Variants in GATB observed in about 807,000 individuals in gnomAD.
The protein encoded by GATB is glutamyl-tRNA(Gln) amidotransferase subunit B, mitochondrial.
GATB carries 39 observed loss-of-function variants against 62.3 expected under a neutral mutation model. That is an observed-to-expected ratio of 0.63 (90% confidence interval 0.48 to 0.82). The LOEUF (loss-of-function observed/expected upper bound fraction) is 0.82. Among genes scored for constraint, GATB ranks in the 40% least tolerant of loss-of-function variants. The pLI is 0.00. For missense variants in GATB, 670 were observed against 684.0 expected, an observed-to-expected ratio of 0.98 and a Z score of 0.23; for synonymous variants, 276 against 258.9, an observed-to-expected ratio of 1.07 and a Z score of -0.63.
At chr4:151,734,371 A>G (rs997861145) in intron 2 of GATB, among the ~76,000 whole-genome samples, 15 of 151,834 alleles carry the variant, frequency 9.9e-5, no homozygotes, top group African/African-American at 3.6e-4. Flanking sequence ...AAAAATACTT[A>G]GGAATACACC....
rs571717924 is a variant in GATB, at chr4:151,707,680, T to A, written c.877+308A>T. On this transcript the variant is annotated intron_variant, in intron 6 of 12. Transcript: ENST00000263985. ...CACTTCTGCCTTCATCCTCCCGAAA[T>A]GCTCCCACTGCCTCATAAGAAAGCC... Among the ~76,000 whole-genome samples, 105 of 152,252 alleles carry A rather than the reference T, an allele frequency of 6.9e-4. 1 individual carries two copies. The highest frequency in any genetic ancestry group is 1.1e-3 in the Non-Finnish European group (76 of 67,990).
chr4:151,741,309 T>C (rs936538335), intron 2 of GATB, among the ~76,000 whole-genome samples: 2 of 152,230 alleles, frequency 1.3e-5, no homozygotes, highest in African/African-American at 4.8e-5. Flanking sequence ...AAAGGGAAAC[T>C]ACAGATAAGG....
chr4:151,682,819 G>T (rs1472712160), intron 10 of GATB, among the ~76,000 whole-genome samples: 2 of 152,144 alleles, frequency 1.3e-5, no homozygotes, highest in Admixed American at 1.3e-4. Flanking sequence ...GCCTCCAGGT[G>T]GTACCTGCTG....
chr4:151,683,574 C>T (rs1289016154), intron 10 of GATB, among the ~76,000 whole-genome samples: 1 of 152,208 alleles, frequency 6.6e-6, no homozygotes, highest in Non-Finnish European at 1.5e-5. Context: ...TGGTTGATGT[C>T]AACCACCTCC....
intron 2 of GATB, among the ~76,000 whole-genome samples, chr4:151,754,486 G>A (rs1479027796): frequency 6.6e-6 from 1 of 151,978 alleles, no homozygotes; most frequent in African/African-American, 2.4e-5. Context: ...CATATCTATC[G>A]TCTACCAAGT....
At chr4:151,721,590 G>C (rs1047021656) in intron 2 of GATB, 1 of 152,424 alleles carries the variant, frequency 6.6e-6, no homozygotes, top group African/African-American at 2.4e-5. Context: ...CTGCAGTCCC[G>C]ACCCTGGGCT....
intron 10 of GATB, among the ~76,000 whole-genome samples, chr4:151,684,927 C>T (rs895741190): frequency 3.3e-5 from 5 of 152,178 alleles, no homozygotes; most frequent in Non-Finnish European, 5.9e-5. Context: ...TGTTAAACCC[C>T]TAACTTCACA....
At position 151,716,099 on chromosome 4, in the gene GATB, C is replaced by T. The variant is rs749000969; in HGVS notation, c.673G>A (p.Asp225Asn). Reference sequence around the variant, plus strand: ...GCCGCCTCTTCTCCACAGGACATGTCGGGCTCCAGGACCACCTCCAGAAGG... The same window carrying T: ...GCCGCCTCTTCTCCACAGGACATGTTGGGCTCCAGGACCACCTCCAGAAGG... ...VGLLEVVLEP[D>N]MSCGEEAATA... is the part of the protein sequence containing the mutation. The change falls in exon 5 of 13, where the codon GAC (aspartate) becomes AAC (asparagine). Residue 225 changes from aspartate (D) to asparagine (N), a missense_variant. Asp to Asn is a conservative substitution (Grantham distance 23). Coordinates refer to ENST00000263985, the MANE Select transcript of GATB (RefSeq NM_004564.3). 11 of 1,613,724 alleles carry T rather than the reference C, an allele frequency of 6.8e-6. No individual in the cohort carries two copies. The South Asian group carries it at 7.7e-5, about 11-fold the overall frequency.
intron 5 of GATB, among the ~76,000 whole-genome samples, chr4:151,708,938 A>T (rs1186760038): frequency 1.3e-5 from 2 of 152,262 alleles, no homozygotes; most frequent in Non-Finnish European, 2.9e-5. Flanking sequence ...AGATGTAGGT[A>T]AGAAAGAATC....
At position 151,688,649 on chromosome 4, in the gene GATB, T is replaced by C. The variant is rs1738300585; in HGVS notation, c.1312A>G (p.Asn438Asp). Residue 438 changes from asparagine to aspartate, a missense_variant, in exon 10 of 13, where the codon AAC (asparagine) becomes GAC (aspartate). By Grantham distance (23) the Asn-to-Asp change is conservative (BLOSUM62 1). Transcript: ENST00000263985. ...NTFLGYLKQQ[N>D]LAVSESPVTP... The stretch of plus-strand genomic sequence containing the variant: ...ACTCACCTCTCACTGACAGCGAGGT[T>C]CTGTTGCTTTAAATAGCCCAGAAAA... The C allele has an allele frequency of 6.2e-7, 1 of 1,610,176 alleles. No individual in the cohort carries two copies. Among genetic ancestry groups the C allele is most frequent in the East Asian group, 2.2e-5 (1 of 44,844 alleles).
intron 5 of GATB, among the ~76,000 whole-genome samples, chr4:151,714,646 A>G (rs534957404): frequency 1.3e-5 from 2 of 152,358 alleles, no homozygotes; most frequent in South Asian, 4.1e-4. Flanking sequence ...CTCAGTTAAC[A>G]GGTGACCTAT....
chr4:151,678,336 G>A (rs1344222771), intron 11 of GATB, among the ~76,000 whole-genome samples: 2 of 152,126 alleles, frequency 1.3e-5, no homozygotes, highest in East Asian at 1.9e-4. Context: ...CTTATTCACC[G>A]CACTAGGTAT....
At chr4:151,720,325 G>C (rs1447124175) in intron 2 of GATB, 1 of 152,154 alleles carries the variant, frequency 6.6e-6, no homozygotes, top group Non-Finnish European at 1.5e-5. Flanking sequence ...TTAAGTTCTC[G>C]AGTCAGGTTC....
intron 10 of GATB, among the ~76,000 whole-genome samples, chr4:151,682,891 G>T (rs1336656625): frequency 6.6e-6 from 1 of 152,116 alleles, no homozygotes; most frequent in Non-Finnish European, 1.5e-5. Context: ...GTCCCACCAA[G>T]CGCCTGTTCC....
chr4:151,697,659 TAATA>T (rs895820682), intron 9 of GATB, among the ~76,000 whole-genome samples: 12 of 148,982 alleles, frequency 8.1e-5, no homozygotes, highest in African/African-American at 2.7e-4. Context: ...ATATGTTTTA[TAATA>T]TATATAAATT....
chr4:151,688,899 C>T, intron 9 of GATB, 136 bp from the exon 10 acceptor site: 1 of 726,492 alleles, frequency 1.4e-6, no homozygotes, highest in Non-Finnish European at 2.2e-6. Flanking sequence ...CCTGAGATGT[C>T]ACCAGAACAT....
chr4:151,718,536 A>G (rs975264213), intron 3 of GATB, among the ~76,000 whole-genome samples: 5 of 152,284 alleles, frequency 3.3e-5, no homozygotes, highest in East Asian at 1.9e-4. Flanking sequence ...CCGCCCTACC[A>G]AACAGTAGAC....
At chr4:151,697,973 A>ATATATATATATGTGTGTATATG (rs1738519035) in intron 9 of GATB, among the ~76,000 whole-genome samples, 1 of 100,468 alleles carries the variant, frequency 1.0e-5, no homozygotes, top group African/African-American at 4.4e-5. Context: ...ATATATATAT[A>ATATATATATATGTGTGTATATG]TATATATATA....
chr4:151,712,239 T>A (rs990207749), intron 5 of GATB, among the ~76,000 whole-genome samples: 2 of 152,172 alleles, frequency 1.3e-5, no homozygotes, highest in African/African-American at 2.4e-5. Flanking sequence ...AAATGCAGTA[T>A]CAAACATTAA....
Sources: allele counts gnomAD v4.1 joint callset (sites outside exome capture counted in the v4.1 genomes callset), GRCh38; gene constraint gnomAD v4.1.1; transcripts MANE v1.5; gene names NCBI Gene and HGNC (gene_info 2026-07-23, HGNC 2026-07-21).